Variants in ANKRD44 observed in about 807,000 individuals in gnomAD.
The protein encoded by ANKRD44 is ankyrin repeat domain 44, also known as serine/threonine-protein phosphatase 6 regulatory ankyrin repeat subunit B.
ANKRD44 carries 35 observed loss-of-function variants against 116.0 expected under a neutral mutation model. The observed-to-expected ratio is 0.30, with a 90% CI of 0.23 to 0.40. ANKRD44 has a LOEUF of 0.40. ANKRD44 is among the 10% of genes least tolerant of loss of function. ANKRD44 has a pLI of 1.00. For synonymous variants in ANKRD44, 435 were observed against 461.8 expected (o/e 0.94, Z 0.74); for missense variants, 1,014 against 1,242.6 (o/e 0.82, Z 2.77).
chr2:197,263,337 G>A, intron 1 of ANKRD44: 1 of 536,564 alleles, frequency 1.9e-6, no homozygotes. Context: ...AAGTTCATTG[G>A]GGCTGGGGCG....
At chr2:197,020,152 T>C (rs1236651464) in intron 17 of ANKRD44, among the ~76,000 whole-genome samples, 2 of 152,094 alleles carry the variant, frequency 1.3e-5, no homozygotes, top group Non-Finnish European at 2.9e-5. Flanking sequence ...GAGCACTTCA[T>C]GTAAAACTTG....
chr2:197,068,387 TA>T (rs768350471), intron 16 of ANKRD44, among the ~76,000 whole-genome samples: 16 of 66,944 alleles, frequency 2.4e-4, no homozygotes, highest in South Asian at 1.1e-3. Flanking sequence ...AAGAAAAAAA[TA>T]AAAAAAAAAT....
intron 1 of ANKRD44, among the ~76,000 whole-genome samples, chr2:197,245,802 C>T (rs2082178837): frequency 6.6e-6 from 1 of 152,172 alleles, no homozygotes; most frequent in East Asian, 1.9e-4. Context: ...CAAGACTGAT[C>T]AAATAAAAGC....
At chr2:197,107,342 C>T (rs967208060) in intron 9 of ANKRD44, among the ~76,000 whole-genome samples, 6 of 152,142 alleles carry the variant, frequency 3.9e-5, no homozygotes, top group Middle Eastern at 3.2e-3. Context: ...ACCTGCTGGA[C>T]GGCATCTGAG....
intron 1 of ANKRD44, among the ~76,000 whole-genome samples, chr2:197,259,173 G>C (rs1294837229): frequency 6.6e-6 from 1 of 152,110 alleles, no homozygotes; most frequent in Non-Finnish European, 1.5e-5. Flanking sequence ...TAATGAACTG[G>C]GTGAGTAAAC....
chr2:197,297,408 G>T (rs180848674), intron 1 of ANKRD44, among the ~76,000 whole-genome samples: 141 of 152,262 alleles, frequency 9.3e-4, no homozygotes, highest in Non-Finnish European at 1.2e-3. Context: ...AGCTGAAATT[G>T]ACCTGAGAAA....
At chr2:196,984,014 A>G (rs886066647), downstream of ANKRD44, among the ~76,000 whole-genome samples, 1 of 152,214 alleles carries the variant, frequency 6.6e-6, no homozygotes, top group Non-Finnish European at 1.5e-5. Context: ...TGTGCTCAGC[A>G]TTGCCTTCCA....
rs1370119669 is a variant in ANKRD44 at position 197,290,722 on chromosome 2, AATTT to A, written c.27+19852_27+19855del. On this transcript the variant is annotated intron_variant, in intron 1 of 27. Coordinates refer to ENST00000282272, the MANE Select transcript of ANKRD44 (RefSeq NM_001195144.2). Reference sequence around the variant, plus strand: ...ATAATCATTGGAAACTCAATCCAGAAATTTATTTAACTCTTAGCATCTCAGGATC... The same window carrying A: ...ATAATCATTGGAAACTCAATCCAGAAATTTAACTCTTAGCATCTCAGGATC... 5.9e-5 allele frequency among the ~76,000 whole-genome samples: 9 copies of A among 152,184 alleles called. No homozygotes were observed. The East Asian group carries it at 1.5e-3, about 26-fold the overall frequency.
chr2:197,020,416 C>T (rs939672670), intron 17 of ANKRD44, among the ~76,000 whole-genome samples: 3 of 152,164 alleles, frequency 2.0e-5, no homozygotes, highest in African/African-American at 7.2e-5. Context: ...GCAGGGGTGT[C>T]CAATCTTTTG....
intron 16 of ANKRD44, among the ~76,000 whole-genome samples, chr2:197,045,424 T>C (rs2076983909): frequency 6.6e-6 from 1 of 152,194 alleles, no homozygotes; most frequent in Non-Finnish European, 1.5e-5. Flanking sequence ...ATCCCACCTG[T>C]AGTGTCATTT....
intron 16 of ANKRD44, among the ~76,000 whole-genome samples, chr2:197,027,386 G>A (rs957526439): frequency 3.3e-5 from 5 of 152,042 alleles, no homozygotes; most frequent in African/African-American, 1.2e-4. Context: ...TATTATCCAG[G>A]AAGTTGCTGG....
intron 21 of ANKRD44, among the ~76,000 whole-genome samples, chr2:196,979,981 C>A (rs532309033): frequency 2.0e-5 from 3 of 152,128 alleles, no homozygotes; most frequent in African/African-American, 7.2e-5. Context: ...ACCAGGCTGG[C>A]GGCAAGGAAA....
chr2:197,217,908 G>T (rs998600153), intron 1 of ANKRD44, among the ~76,000 whole-genome samples: 1 of 152,114 alleles, frequency 6.6e-6, no homozygotes, highest in Admixed American at 6.5e-5. Context: ...GGCCCCCAAG[G>T]AAAGAACATT....
intron 16 of ANKRD44, among the ~76,000 whole-genome samples, chr2:197,053,742 C>G (rs566479319): frequency 1.3e-5 from 2 of 152,330 alleles, no homozygotes; most frequent in Admixed American, 1.3e-4. Context: ...CTTGGCCTCC[C>G]AAAGTGCTGG....
At chr2:197,152,145 A>C (rs2079668838) in intron 2 of ANKRD44, among the ~76,000 whole-genome samples, 1 of 152,204 alleles carries the variant, frequency 6.6e-6, no homozygotes, top group Non-Finnish European at 1.5e-5. Context: ...CAGTACCAGG[A>C]CAGGACCAGA....
chr2:197,182,027 C>T (rs1349188933), intron 2 of ANKRD44, among the ~76,000 whole-genome samples: 1 of 152,178 alleles, frequency 6.6e-6, no homozygotes, highest in East Asian at 1.9e-4. Context: ...TCCAGTAGGA[C>T]ACAGTAAAAG....
intron 16 of ANKRD44, among the ~76,000 whole-genome samples, chr2:197,065,410 A>C (rs2077410026): frequency 6.6e-6 from 1 of 152,246 alleles, no homozygotes; most frequent in Non-Finnish European, 1.5e-5. Context: ...AAGAGCAAAC[A>C]CATTCAAAAG....
chr2:197,262,672 G>A (rs903001176), intron 1 of ANKRD44, among the ~76,000 whole-genome samples: 1 of 152,182 alleles, frequency 6.6e-6, no homozygotes, highest in Middle Eastern at 3.2e-3. Flanking sequence ...GGAAGACCGA[G>A]GCGGGTGGAT....
chr2:197,161,319 G>A (rs555197860), intron 2 of ANKRD44, among the ~76,000 whole-genome samples: 2 of 152,228 alleles, frequency 1.3e-5, no homozygotes, highest in Non-Finnish European at 2.9e-5. Flanking sequence ...CAAAAAAACG[G>A]TCACTAGGGA....
Sources: gnomAD v4.1 joint callset for allele counts (sites outside exome capture counted in the v4.1 genomes callset) on GRCh38, gnomAD v4.1.1 for gene constraint, MANE v1.5 for transcripts, NCBI Gene and HGNC (gene_info 2026-07-23, HGNC 2026-07-21) for gene names.